Variants in CNTN4 observed in about 807,000 individuals in gnomAD.
CNTN4 encodes contactin 4, also known as contactin-4.
In CNTN4, 77 loss-of-function variants were observed where a neutral mutation model predicts 122.5. The ratio of observed to expected loss-of-function variants is 0.63; its 90% CI spans 0.52 to 0.76. The LOEUF (loss-of-function observed/expected upper bound fraction) is 0.76, where lower values mean the gene tolerates loss of function less well. Ranked by LOEUF, CNTN4 falls within the 30% of genes least tolerant of loss-of-function variation. The pLI, the probability that CNTN4 is intolerant of heterozygous loss-of-function variation, is 0.00. For synonymous variants in CNTN4, 512 were observed against 447.0 expected (o/e 1.15, Z -1.83); for missense variants, 1,256 against 1,259.1 (o/e 1.00, Z 0.04).
At chr3:2,628,795 C>T (rs1037035421) in intron 4 of CNTN4, among the ~76,000 whole-genome samples, 2 of 152,046 alleles carry the variant, frequency 1.3e-5, no homozygotes, top group African/African-American at 2.4e-5. Context: ...CTGGACGTAA[C>T]CAAAAAAGTG....
intron 2 of CNTN4, among the ~76,000 whole-genome samples, chr3:2,260,797 G>A (rs527901225): frequency 1.4e-5 from 2 of 147,816 alleles, no homozygotes; most frequent in Non-Finnish European, 3.0e-5. Context: ...GTGTGATCTC[G>A]GCTCACTGTA....
chr3:2,178,458 A>C (rs1040960287), intron 2 of CNTN4, among the ~76,000 whole-genome samples: 8 of 152,070 alleles, frequency 5.3e-5, no homozygotes, highest in Admixed American at 2.0e-4. Flanking sequence ...TTTAGAAAAA[A>C]AAAATTGTAA....
chr3:2,429,410 A>G (rs1332180688), intron 3 of CNTN4, among the ~76,000 whole-genome samples: 6 of 152,224 alleles, frequency 3.9e-5, no homozygotes, highest in Non-Finnish European at 8.8e-5. Flanking sequence ...ACTGCAGAAC[A>G]GCAAATGTTG....
chr3:2,442,928 T>C (rs1375470803), intron 3 of CNTN4, among the ~76,000 whole-genome samples: 3 of 152,178 alleles, frequency 2.0e-5, no homozygotes, highest in East Asian at 3.8e-4. Flanking sequence ...AGCCTTTTGA[T>C]CCTTTTTAAT....
At chr3:2,629,907 G>T (rs535330094) in intron 4 of CNTN4, among the ~76,000 whole-genome samples, 1 of 152,148 alleles carries the variant, frequency 6.6e-6, no homozygotes, top group Admixed American at 6.5e-5. Context: ...TCAATTTGAG[G>T]GTTTTCTCTA....
rs533296983 is a variant in CNTN4 at position 2,382,390 on chromosome 3, C to T, written c.-89+43157C>T. On this transcript the variant is annotated intron_variant, in intron 3 of 24. Coordinates refer to ENST00000418658, the MANE Select transcript of CNTN4 (RefSeq NM_175607.3). Reference sequence around the variant, plus strand: ...CAGGCTGGTCTTGAACTCCTGACCTCATGATCCACCCGCCTCGGCCTCCCA... The same window carrying T: ...CAGGCTGGTCTTGAACTCCTGACCTTATGATCCACCCGCCTCGGCCTCCCA... Among the ~76,000 whole-genome samples the T allele has an allele frequency of 3.3e-5, 5 of 152,130 alleles. No individual in the cohort carries two copies. The East Asian group carries it at 9.7e-4, about 30-fold the overall frequency.
intron 3 of CNTN4, among the ~76,000 whole-genome samples, chr3:2,498,586 C>A (rs553831463): frequency 6.6e-6 from 1 of 151,786 alleles, no homozygotes; most frequent in African/African-American, 2.4e-5. Context: ...GCTCAAATGA[C>A]CCTCCCACCT....
chr3:2,664,702 G>A (rs1220590501), intron 4 of CNTN4, among the ~76,000 whole-genome samples: 1 of 152,096 alleles, frequency 6.6e-6, no homozygotes, highest in Non-Finnish European at 1.5e-5. Context: ...AGGTTTTCTT[G>A]GAACTGCAGA....
intron 13 of CNTN4, among the ~76,000 whole-genome samples, chr3:2,970,827 G>T (rs749079254): frequency 1.6e-4 from 25 of 151,886 alleles, no homozygotes; most frequent in Non-Finnish European, 2.6e-4. Flanking sequence ...TCACTCTGTT[G>T]CCCAGGCTGG....
intron 4 of CNTN4, among the ~76,000 whole-genome samples, chr3:2,644,114 C>T (rs2083013964): frequency 6.6e-6 from 1 of 152,106 alleles, no homozygotes; most frequent in Admixed American, 6.5e-5. Context: ...GGCATCTGTC[C>T]CCATGTCCTG....
chr3:2,795,548 T>C (rs2092145550), intron 6 of CNTN4, among the ~76,000 whole-genome samples: 1 of 147,138 alleles, frequency 6.8e-6, no homozygotes, highest in Non-Finnish European at 1.5e-5. Context: ...TGAGATGGAG[T>C]CTCGCTCTGT....
intron 14 of CNTN4, among the ~76,000 whole-genome samples, chr3:3,024,842 G>A (rs1698596004): frequency 6.6e-6 from 1 of 152,102 alleles, no homozygotes; most frequent in South Asian, 2.1e-4. Context: ...ATTCCCAGCG[G>A]ATATTTTAAT....
At chr3:2,240,342 C>T (rs2039882470) in intron 2 of CNTN4, among the ~76,000 whole-genome samples, 1 of 151,926 alleles carries the variant, frequency 6.6e-6, no homozygotes, top group East Asian at 1.9e-4. Context: ...GGGAAAGATC[C>T]ATTGAATTTG....
intron 3 of CNTN4, among the ~76,000 whole-genome samples, chr3:2,408,157 C>T (rs1175905720): frequency 6.6e-6 from 1 of 152,096 alleles, no homozygotes; most frequent in Non-Finnish European, 1.5e-5. Flanking sequence ...TTCTGTACAT[C>T]CTAAGAGAGG....
At chr3:2,885,132 G>T (rs953884775) in intron 9 of CNTN4, among the ~76,000 whole-genome samples, 1 of 152,168 alleles carries the variant, frequency 6.6e-6, no homozygotes, top group Non-Finnish European at 1.5e-5. Flanking sequence ...GTTTCCCAGA[G>T]AAGATTAGCA....
intron 4 of CNTN4, among the ~76,000 whole-genome samples, chr3:2,650,123 T>C (rs1214417810): frequency 6.7e-6 from 1 of 149,304 alleles, no homozygotes; most frequent in African/African-American, 2.4e-5. Context: ...GGAAGGAAAT[T>C]TATAATTCAT....
At chr3:2,898,849 A>G (rs967631367) in intron 10 of CNTN4, among the ~76,000 whole-genome samples, 10 of 152,114 alleles carry the variant, frequency 6.6e-5, no homozygotes, top group Non-Finnish European at 1.5e-4. Context: ...AGCAGGTTGA[A>G]TGTGAAATCA....
intron 3 of CNTN4, among the ~76,000 whole-genome samples, chr3:2,357,603 C>G (rs943329648): frequency 3.3e-5 from 5 of 152,138 alleles, no homozygotes; most frequent in African/African-American, 9.7e-5. Context: ...TTGATTGATA[C>G]TAAAATTTTG....
In CNTN4 at chr3:2,640,883, C is replaced by T. The variant is rs191315807; in HGVS notation, c.55+69325C>T. On this transcript the variant is annotated intron_variant, in intron 4 of 24. Transcript: ENST00000418658. ...CATCAATACCTCTTTTTAAATGTGT[C>T]ACATTTGTCAGGTCACTTTTCTCTC... 3.9e-3 allele frequency among the ~76,000 whole-genome samples: 595 copies of T among 152,218 alleles called. 7 individuals carry two copies. The highest frequency in any genetic ancestry group is 5.4e-3 in the Admixed American group (83 of 15,284).
Sources: gnomAD v4.1 joint callset for allele counts (sites outside exome capture counted in the v4.1 genomes callset) on GRCh38, gnomAD v4.1.1 for gene constraint, MANE v1.5 for transcripts, NCBI Gene and HGNC (gene_info 2026-07-23, HGNC 2026-07-21) for gene names.